Variants in LIPI observed in about 807,000 individuals in gnomAD.
LIPI encodes lipase I, also known as lipase member I.
In LIPI, 59 loss-of-function variants were observed where a neutral mutation model predicts 50.6. That is an observed-to-expected ratio of 1.16 (90% CI 0.94 to 1.45). The LOEUF is 1.45. LIPI is among the 40% of genes most tolerant of loss of function. The probability of loss-of-function intolerance (pLI) is 0.00; values close to 1 mark genes in which losing one functional copy is unlikely to be tolerated. For synonymous variants in LIPI, 203 were observed against 178.2 expected, an observed-to-expected ratio of 1.14 and a Z score of -1.11; for missense variants, 586 against 536.3, an observed-to-expected ratio of 1.09 and a Z score of -0.92.
At chr21:14,140,464 T>G (rs568345530) in intron 9 of LIPI, among the ~76,000 whole-genome samples, 1 of 152,248 alleles carries the variant, frequency 6.6e-6, no homozygotes, top group Admixed American at 6.5e-5. Flanking sequence ...CAGTTTACTT[T>G]TGTTAATTTT....
At chr21:14,119,636 A>C (rs1039310693) in intron 9 of LIPI, among the ~76,000 whole-genome samples, 1 of 152,234 alleles carries the variant, frequency 6.6e-6, no homozygotes, top group Non-Finnish European at 1.5e-5. Flanking sequence ...ATGGCTTTCA[A>C]GGAAATCAAG....
chr21:14,127,384 G>C (rs2017107378), intron 9 of LIPI, among the ~76,000 whole-genome samples: 1 of 152,192 alleles, frequency 6.6e-6, no homozygotes, highest in South Asian at 2.1e-4. Flanking sequence ...TCTCCAGCCA[G>C]CAGGGAATGT....
chr21:14,175,478 T>C (rs955895833), intron 4 of LIPI, among the ~76,000 whole-genome samples: 1 of 152,224 alleles, frequency 6.6e-6, no homozygotes, highest in African/African-American at 2.4e-5. Context: ...TTATCTCTTT[T>C]ACTGCTTTTT....
chr21:14,184,784 G>C (rs2019396665), intron 3 of LIPI, among the ~76,000 whole-genome samples: 1 of 152,278 alleles, frequency 6.6e-6, no homozygotes, highest in African/African-American at 2.4e-5. Context: ...TTAAGCACTA[G>C]GGAACTTTGT....
chr21:14,156,504 C>T (rs1165532970), intron 7 of LIPI, among the ~76,000 whole-genome samples: 2 of 151,868 alleles, frequency 1.3e-5, no homozygotes, highest in Non-Finnish European at 2.9e-5. Context: ...AAGGAATGCA[C>T]CTGCTAACAC....
At chr21:14,179,739 A>G (rs1477091693) in intron 4 of LIPI, among the ~76,000 whole-genome samples, 3 of 152,326 alleles carry the variant, frequency 2.0e-5, no homozygotes, top group African/African-American at 7.2e-5. Context: ...TGTTATCTTC[A>G]TAAGCTGAGG....
intron 9 of LIPI, among the ~76,000 whole-genome samples, chr21:14,116,796 G>C (rs1185044273): frequency 2.0e-5 from 3 of 152,166 alleles, no homozygotes; most frequent in Non-Finnish European, 4.4e-5. Flanking sequence ...TAAGACTCTA[G>C]TGGCTCGAAC....
intron 7 of LIPI, among the ~76,000 whole-genome samples, chr21:14,156,940 A>G (rs1013476755): frequency 1.3e-5 from 2 of 151,932 alleles, no homozygotes; most frequent in African/African-American, 4.8e-5. Context: ...GAGGACTCAA[A>G]CGGAAATTAG....
At chr21:14,114,632 C>T (rs1215777636) in intron 9 of LIPI, among the ~76,000 whole-genome samples, 3 of 152,054 alleles carry the variant, frequency 2.0e-5, no homozygotes, top group East Asian at 1.9e-4. Context: ...GACCACTGCC[C>T]GATAAATCAA....
chr21:14,206,577 C>G (rs186330097), intron 1 of LIPI, among the ~76,000 whole-genome samples: 3,473 of 128,802 alleles, frequency 0.027, 143 homozygotes, highest in African/African-American at 0.088. Context: ...AAGATTTAAC[C>G]CTTTTTTTTT....
At chr21:14,174,726 G>T (rs2019036084) in intron 4 of LIPI, among the ~76,000 whole-genome samples, 1 of 151,772 alleles carries the variant, frequency 6.6e-6, no homozygotes, top group Admixed American at 6.6e-5. Context: ...GCTAATTTTT[G>T]GTATTTTTAG....
At chr21:14,170,586 G>C (rs2018861093) in intron 4 of LIPI, among the ~76,000 whole-genome samples, 1 of 152,108 alleles carries the variant, frequency 6.6e-6, no homozygotes, top group South Asian at 2.1e-4. Flanking sequence ...ATGTAATCCA[G>C]CATAGAAACA....
intron 9 of LIPI, among the ~76,000 whole-genome samples, chr21:14,120,364 T>G (rs1395002866): frequency 6.6e-6 from 1 of 152,156 alleles, no homozygotes; most frequent in Admixed American, 6.5e-5. Flanking sequence ...TCAGCGAATA[T>G]CTATACTGAC....
chr21:14,136,048 A>G (rs981948023), intron 9 of LIPI, among the ~76,000 whole-genome samples: 4 of 152,132 alleles, frequency 2.6e-5, no homozygotes, highest in African/African-American at 9.7e-5. Context: ...CCTAGAAAAC[A>G]TTTCTAGACA....
intron 1 of LIPI, among the ~76,000 whole-genome samples, chr21:14,195,749 T>G (rs549685364): frequency 6.6e-6 from 1 of 152,278 alleles, no homozygotes; most frequent in Admixed American, 6.5e-5. Context: ...GACTAACATG[T>G]ATATGTATTA....
In LIPI at chr21:14,144,722, C is replaced by T. The variant is rs2017839258; in HGVS notation, c.1196G>A (p.Ser399Asn). The change falls in exon 9 of 10, where the codon AGC becomes AAC. Residue 399 changes from serine (S) to asparagine (N), a missense_variant. Transcript: ENST00000681601. ...QFYNDFVNIS[S>N]IGLTYFQSSN... is the part of the protein sequence containing the mutation. ...GCTCTGGAAATATGTCAAACCAATG[C>T]TTGAAATATTTACAAAGTCATTATA... is the stretch of plus-strand genomic sequence containing the variant. 2 of 1,562,160 alleles carry T rather than the reference C, an allele frequency of 1.3e-6. No individual in the cohort carries two copies. The highest frequency in any genetic ancestry group is 8.8e-7 in the Non-Finnish European group (1 of 1,133,506).
At chr21:14,142,927 T>C (rs1223692402) in intron 9 of LIPI, among the ~76,000 whole-genome samples, 1 of 152,144 alleles carries the variant, frequency 6.6e-6, no homozygotes, top group Non-Finnish European at 1.5e-5. Flanking sequence ...GACATCAAGT[T>C]CCCTAAGATG....
At chr21:14,139,414 T>A (rs1264614018) in intron 9 of LIPI, among the ~76,000 whole-genome samples, 1 of 152,176 alleles carries the variant, frequency 6.6e-6, no homozygotes, top group African/African-American at 2.4e-5. Flanking sequence ...TGTCTATTAA[T>A]CATTTTTTCT....
At chr21:14,156,643 C>T (rs887514164) in intron 7 of LIPI, among the ~76,000 whole-genome samples, 1 of 151,760 alleles carries the variant, frequency 6.6e-6, no homozygotes, top group African/African-American at 2.4e-5. Context: ...AATCAATATA[C>T]ATTTTGATAC....
Sources: gnomAD v4.1 joint callset for allele counts (sites outside exome capture counted in the v4.1 genomes callset) on GRCh38, gnomAD v4.1.1 for gene constraint, MANE v1.5 for transcripts, NCBI Gene and HGNC (gene_info 2026-07-23, HGNC 2026-07-21) for gene names.